PUS7L: variants seen among roughly 807,000 people sequenced by gnomAD.
PUS7L encodes pseudouridine synthase 7 like, also known as pseudouridylate synthase PUS7L.
Under a neutral mutation model 51.1 loss-of-function variants are expected in PUS7L, and 49 were observed. The observed-to-expected ratio is 0.96, with a 90% CI of 0.76 to 1.22. The LOEUF is 1.22. Among genes scored for constraint, PUS7L ranks in the 50% most tolerant of loss-of-function variants. The pLI is 0.00. For synonymous variants in PUS7L, 277 were observed against 276.2 expected (o/e 1.00, Z -0.03); for missense variants, 828 against 820.6 (o/e 1.01, Z -0.11).
Position 43,738,171 on chromosome 12 carries a change from A to G in PUS7L, c.1444+139T>C, listed in dbSNP as rs1592164580. 2.1e-5 allele frequency: 12 copies of G among 564,966 alleles called. No individual in the cohort carries two copies. In the Middle Eastern group the frequency reaches 2.0e-3, roughly 95 times the overall value. The allele number at this position is 564,966 out of a possible 1,614,324, so 35.0% of individuals were successfully genotyped here. A position where few individuals can be genotyped will look rare whatever the true frequency, so the allele number is the denominator to read the frequency against. ...GAAGTGAGTGCCTAAGTCATGTAAT[A>G]AAAGTGTTCAGTATGTAATATACTA... On this transcript the variant is annotated intron_variant, in intron 6 of 8. Transcript: ENST00000344862.
intron 5 of PUS7L, among the ~76,000 whole-genome samples, chr12:43,741,391 A>G (rs1329783501): frequency 6.6e-6 from 1 of 152,192 alleles, no homozygotes; most frequent in Admixed American, 6.5e-5. Context: ...CATACATGCT[A>G]TCTCCATTTT....
intron 5 of PUS7L, chr12:43,739,078 G>T (rs74567299): frequency 0.048 from 7,349 of 153,968 alleles, 349 homozygotes; most frequent in African/African-American, 0.12. Context: ...CCAGATCAAA[G>T]AGTTAAATAT....
chr12:43,749,985 C>A (rs1347678845), intron 2 of PUS7L, among the ~76,000 whole-genome samples: 1 of 152,166 alleles, frequency 6.6e-6, no homozygotes, highest in Non-Finnish European at 1.5e-5. Context: ...TACCCCAAAT[C>A]TCAGCATCAC....
Position 43,728,344 on chromosome 12 carries a change from T to C in PUS7L, c.*2032A>G, listed in dbSNP as rs970337823. ...ATAAATGTCTAAAATTATAGTGCCATCTGCAGGCAAAAAAAGTAAAATCAA... is the reference window on the plus strand; with the variant it reads ...ATAAATGTCTAAAATTATAGTGCCACCTGCAGGCAAAAAAAGTAAAATCAA... On this transcript the variant is annotated 3_prime_UTR_variant, in exon 9 of 9. Transcript: ENST00000344862. 1.4e-4 allele frequency: 21 copies of C among 152,226 alleles called. 1 individual carries two copies. The highest frequency in any genetic ancestry group is 1.0e-3 in the South Asian group (5 of 4,824). The allele number at this position is 152,226 out of a possible 1,614,324, so 9.4% of individuals were successfully genotyped here.
chr12:43,758,768 G>A lies in PUS7L; in HGVS notation c.-55C>T, dbSNP rs1939066513. On this transcript the variant is annotated 5_prime_UTR_variant, in exon 1 of 9. Coordinates refer to ENST00000344862, the MANE Select transcript of PUS7L (RefSeq NM_031292.5). ...AAGGCATTCATTTGCACAACGCTGT[G>A]CGCATGCCCGGAAGCCTTAAGTGTT... 1 of 975,672 alleles carries A rather than the reference G, an allele frequency of 1.0e-6. No homozygotes were observed. Among genetic ancestry groups the A allele is most frequent in the African/African-American group, 1.8e-5 (1 of 56,698 alleles). The allele number at this position is 975,672 out of a possible 1,614,324, so 60.4% of individuals were successfully genotyped here.
chr12:43,731,653 G>T, intron 8 of PUS7L, 52 bp downstream of exon 8: 2 of 1,029,526 alleles, frequency 1.9e-6, no homozygotes, highest in Non-Finnish European at 2.9e-6. Flanking sequence ...TGCTTTTTGG[G>T]GACAATGTCT....
At chr12:43,737,816 C>CTCA (rs1221713436) in intron 6 of PUS7L, among the ~76,000 whole-genome samples, 1 of 152,118 alleles carries the variant, frequency 6.6e-6, no homozygotes, top group Non-Finnish European at 1.5e-5. Flanking sequence ...TCAAGCCATA[C>CTCA]TCATAACCAC....
Position 43,754,623 on chromosome 12 carries a change from T to C in PUS7L, c.623A>G (p.His208Arg), listed in dbSNP as rs770735848. Residue 208 changes from histidine to arginine, a missense_variant, in exon 2 of 9, where the codon CAT becomes CGT. His to Arg is a conservative substitution (Grantham distance 29). Transcript: ENST00000344862. ...AAATGCTTCCTCTTCAGATACCAAA[T>C]GACAAAGTTCTTTATATTCAAGATT... ...KPNLEYKELC[H>R]LVSEEEAFDF... 2 of 1,613,364 alleles carry C rather than the reference T, an allele frequency of 1.2e-6. No homozygotes were observed. The highest frequency in any genetic ancestry group is 1.7e-6 in the Non-Finnish European group (2 of 1,179,720).
At position 43,750,887 on chromosome 12, in the gene PUS7L, C is replaced by T. The variant is rs142082775; in HGVS notation, c.911-2278G>A. The stretch of plus-strand genomic sequence containing the variant: ...GGAAGGCTGAGTGGGCTGGAATTCA[C>T]AGGGAGAGTACCTGATAAGACAAAG... On this transcript the variant is annotated intron_variant, in intron 2 of 8. Transcript: ENST00000344862. Among the ~76,000 whole-genome samples, 425 of 152,310 alleles carry T rather than the reference C, an allele frequency of 2.8e-3. 1 individual carries two copies. Among genetic ancestry groups the T allele is most frequent in the Non-Finnish European group, 4.7e-3 (319 of 68,028 alleles).
intron 6 of PUS7L, 110 bp from the exon 7 acceptor site, chr12:43,736,771 A>G: frequency 1.1e-6 from 1 of 916,714 alleles, no homozygotes; most frequent in South Asian, 1.8e-5. Flanking sequence ...TATTAAGATG[A>G]TATTCAACAC....
chr12:43,725,431 T>C lies in PUS7L; in HGVS notation c.*4945A>G, dbSNP rs1221149516. On this transcript the variant is annotated 3_prime_UTR_variant, in exon 9 of 9. Transcript: ENST00000344862. Reference sequence around the variant, plus strand: ...GTTATATTTTAATTTTTAGTTTAGTTTTTTTTTTTTTTTGAGGTGGAGCCT... The same window carrying C: ...GTTATATTTTAATTTTTAGTTTAGTCTTTTTTTTTTTTTGAGGTGGAGCCT... The C allele has an allele frequency of 2.3e-4, 18 of 76,808 alleles. No homozygotes were observed. Among genetic ancestry groups the C allele is most frequent in the African/African-American group, 1.1e-3 (10 of 8,892 alleles). The allele number at this position is 76,808 out of a possible 1,614,324, so 4.8% of individuals were successfully genotyped here.
intron 7 of PUS7L, among the ~76,000 whole-genome samples, chr12:43,733,472 A>G (rs777910952): frequency 3.8e-4 from 58 of 152,206 alleles, no homozygotes; most frequent in Non-Finnish European, 8.1e-4. Context: ...AAATTCTGCA[A>G]AATATGTAGG....
At chr12:43,758,663 CCCCACACACACA>C (rs1267199267) in intron 1 of PUS7L, 55 bp downstream of exon 1, 12 of 761,598 alleles carry the variant, frequency 1.6e-5, no homozygotes, top group East Asian at 3.0e-4. Context: ...CACCCCCCCC[CCCCACACACACA>C]CACACACACA....
rs1473172799 is a variant in PUS7L at position 43,738,332 on chromosome 12, T to C, written c.1422A>G (p.Ala474=). 1.3e-6 allele frequency: 2 copies of C among 1,584,478 alleles called. No individual in the cohort carries two copies. Among genetic ancestry groups the C allele is most frequent in the Non-Finnish European group, 1.7e-6 (2 of 1,153,550 alleles). Residue 474 remains alanine (A), a synonymous_variant, in exon 6 of 9, where the codon GCA becomes GCG. Coordinates refer to ENST00000344862, the MANE Select transcript of PUS7L (RefSeq NM_031292.5). ...PEDLDDPVNR[A]KKYFLQTEDA... ...TACCAGTTTGAAGAAAATACTTCTT[T>C]GCTCTATTTACAGGATCATCCAAGT...
intron 6 of PUS7L, 171 bp downstream of exon 6, chr12:43,738,124 ACTTCCAAATCTGACC>A: frequency 2.0e-6 from 1 of 508,182 alleles, no homozygotes; most frequent in South Asian, 2.8e-5. Flanking sequence ...AGACAAAAAA[ACTTCCAAATCTGACC>A]AAAAACGAAG....
chr12:43,748,373 G>A, intron 3 of PUS7L, 77 bp downstream of exon 3: 1 of 1,062,842 alleles, frequency 9.4e-7, no homozygotes, highest in East Asian at 2.4e-5. Flanking sequence ...AGTACAGGAT[G>A]TTTAGAAACC....
At position 43,721,766 on chromosome 12, in the gene PUS7L, T is replaced by C. The variant is rs1282704186; in HGVS notation, c.*8610A>G. 1 of 152,152 alleles carries C rather than the reference T, an allele frequency of 6.6e-6. No individual in the cohort carries two copies. The highest frequency in any genetic ancestry group is 1.9e-4 in the East Asian group (1 of 5,194). The allele number at this position is 152,152 out of a possible 1,614,324, so 9.4% of individuals were successfully genotyped here. A position where few individuals can be genotyped will look rare whatever the true frequency, so the allele number is the denominator to read the frequency against. On this transcript the variant is annotated 3_prime_UTR_variant, in exon 9 of 9. Transcript: ENST00000344862. ...CCAATGGGAATGGGAGGTTGAGGTG[T>C]ATAACATGGGAACATTTGCTATTAG...
At chr12:43,758,463 G>T (rs1221115646) in intron 1 of PUS7L, 7 of 985,426 alleles carry the variant, frequency 7.1e-6, no homozygotes, top group Non-Finnish European at 8.4e-6. Context: ...CAGTCCTGCA[G>T]AAGCTACTTA....
intron 3 of PUS7L, among the ~76,000 whole-genome samples, chr12:43,747,933 G>A (rs373869966): frequency 1.5e-4 from 23 of 151,806 alleles, no homozygotes; most frequent in South Asian, 1.3e-3. Flanking sequence ...GATTACAGGC[G>A]CACGCCATCA....
Sources: gnomAD v4.1 joint callset for allele counts (sites outside exome capture counted in the v4.1 genomes callset) on GRCh38, gnomAD v4.1.1 for gene constraint, MANE v1.5 for transcripts, NCBI Gene and HGNC (gene_info 2026-07-23, HGNC 2026-07-21) for gene names.